The following KCNH5 variants were observed in gnomAD, a reference collection of about 807,000 sequenced individuals.
The protein encoded by KCNH5 is potassium voltage-gated channel subfamily H member 5.
KCNH5 carries 46 observed loss-of-function variants against 96.1 expected under a neutral mutation model. That is an observed-to-expected ratio of 0.48 (90% confidence interval 0.38 to 0.61). KCNH5 has a LOEUF of 0.61. KCNH5 is among the 20% of genes least tolerant of loss of function. The pLI, the probability that KCNH5 is intolerant of heterozygous loss-of-function variation, is 0.00. For missense variants in KCNH5, 907 were observed against 1,225.8 expected (o/e 0.74, Z 3.88); for synonymous variants, 439 against 449.8 (o/e 0.98, Z 0.30).
chr14:62,898,163 C>T (rs1888853298), intron 7 of KCNH5, among the ~76,000 whole-genome samples: 1 of 151,958 alleles, frequency 6.6e-6, no homozygotes, highest in Non-Finnish European at 1.5e-5. Context: ...ATGTAATAAA[C>T]TGTTAAATTC....
intron 3 of KCNH5, 38 bp from the exon 4 acceptor site, chr14:63,001,497 G>A (rs1002120545): frequency 3.8e-6 from 6 of 1,580,202 alleles, no homozygotes; most frequent in Non-Finnish European, 1.7e-6. Flanking sequence ...ACATTAGAGT[G>A]TGGCACGGCC....
At chr14:62,919,624 A>G (rs1321652838) in intron 7 of KCNH5, among the ~76,000 whole-genome samples, 2 of 152,026 alleles carry the variant, frequency 1.3e-5, no homozygotes, top group East Asian at 3.9e-4. Flanking sequence ...TAGTAAGATT[A>G]CTATTAGGAT....
intron 1 of KCNH5, 107 bp from the exon 2 acceptor site, chr14:63,017,061 G>A (rs1891340465): frequency 2.8e-6 from 3 of 1,074,410 alleles, no homozygotes; most frequent in East Asian, 2.5e-5. Context: ...ATACAACTAT[G>A]GTTTGTAATT....
intron 7 of KCNH5, among the ~76,000 whole-genome samples, chr14:62,903,809 C>T (rs1888975676): frequency 6.6e-6 from 1 of 152,010 alleles, no homozygotes; most frequent in African/African-American, 2.4e-5. Flanking sequence ...ATTTGTGGGG[C>T]TATCAAAGTT....
At chr14:62,934,116 ATTTCTTTC>A (rs756930463) in intron 7 of KCNH5, among the ~76,000 whole-genome samples, 1 of 146,562 alleles carries the variant, frequency 6.8e-6, no homozygotes, top group Admixed American at 6.8e-5. Context: ...TCAAATGCAG[ATTTCTTTC>A]TTTCTTTCTT....
At chr14:62,975,611 C>A (rs1276992436) in intron 6 of KCNH5, among the ~76,000 whole-genome samples, 1 of 151,992 alleles carries the variant, frequency 6.6e-6, no homozygotes, top group East Asian at 1.9e-4. Flanking sequence ...TACTTAGAAG[C>A]TTCTGGAATC....
rs200624433 is a variant in KCNH5 at position 62,826,408 on chromosome 14, A to G, written c.1569+23245T>C. Among the ~76,000 whole-genome samples, 325 of 142,080 alleles carry G rather than the reference A, an allele frequency of 2.3e-3. 1 individual carries two copies. Among genetic ancestry groups the G allele is most frequent in the Non-Finnish European group, 2.6e-3 (171 of 65,236 alleles). The allele number at this position is 142,080 out of a possible 152,430, so 93.2% of individuals were successfully genotyped here. A position where few individuals can be genotyped will look rare whatever the true frequency, so the allele number is the denominator to read the frequency against. On this transcript the variant is annotated intron_variant, in intron 8 of 10. Transcript: ENST00000322893. ...TGTGTGTGTGTGTGTGCGTGCGTGCATGTGTGTGTGTGTGTGTGTGTGTGT... is the reference window on the plus strand; with the variant it reads ...TGTGTGTGTGTGTGTGCGTGCGTGCGTGTGTGTGTGTGTGTGTGTGTGTGT...
chr14:62,821,251 A>G (rs1348873663), intron 8 of KCNH5, among the ~76,000 whole-genome samples: 1 of 152,146 alleles, frequency 6.6e-6, no homozygotes, highest in Admixed American at 6.6e-5. Flanking sequence ...AATGATTTCT[A>G]TAATTAAATA....
chr14:62,857,517 G>A (rs928997153), intron 7 of KCNH5, among the ~76,000 whole-genome samples: 1 of 152,016 alleles, frequency 6.6e-6, no homozygotes, highest in African/African-American at 2.4e-5. Context: ...TGATCGTAAG[G>A]TCCCACAATA....
At chr14:62,996,988 A>C (rs1282363075) in intron 4 of KCNH5, among the ~76,000 whole-genome samples, 2 of 152,240 alleles carry the variant, frequency 1.3e-5, no homozygotes, top group African/African-American at 2.4e-5. Context: ...TCTTTTGTTT[A>C]AAAATATATA....
At chr14:62,870,139 C>A (rs1177569103) in intron 7 of KCNH5, among the ~76,000 whole-genome samples, 1 of 152,282 alleles carries the variant, frequency 6.6e-6, no homozygotes, top group East Asian at 1.9e-4. Context: ...AACAAGCTTA[C>A]CATTTTGGCC....
chr14:62,819,458 G>T (rs2140016222), intron 8 of KCNH5, among the ~76,000 whole-genome samples: 1 of 152,198 alleles, frequency 6.6e-6, no homozygotes, highest in Admixed American at 6.5e-5. Flanking sequence ...AGGGGTGCAG[G>T]GGAGGTTGAA....
At chr14:62,898,062 C>G (rs954750597) in intron 7 of KCNH5, among the ~76,000 whole-genome samples, 1 of 152,070 alleles carries the variant, frequency 6.6e-6, no homozygotes, top group African/African-American at 2.4e-5. Context: ...TGGCATTGCC[C>G]GGGCACTGGG....
chr14:62,944,120 A>G (rs1595694377), intron 7 of KCNH5, among the ~76,000 whole-genome samples: 1 of 152,166 alleles, frequency 6.6e-6, no homozygotes, highest in East Asian at 1.9e-4. Flanking sequence ...CAGAGCCCAC[A>G]TCCAACTTAG....
At chr14:62,983,666 A>G (rs1037968316) in intron 5 of KCNH5, among the ~76,000 whole-genome samples, 7 of 152,188 alleles carry the variant, frequency 4.6e-5, no homozygotes, top group Non-Finnish European at 1.0e-4. Context: ...CCCTGAGTTC[A>G]GAAAGTCTTA....
chr14:62,716,326 T>G (rs1007714561), intron 10 of KCNH5, among the ~76,000 whole-genome samples: 2 of 152,196 alleles, frequency 1.3e-5, no homozygotes, highest in African/African-American at 4.8e-5. Flanking sequence ...TTTTTCTTCA[T>G]TCTACTCTTT....
At chr14:62,885,346 A>G (rs910615847) in intron 7 of KCNH5, among the ~76,000 whole-genome samples, 7 of 152,220 alleles carry the variant, frequency 4.6e-5, no homozygotes, top group African/African-American at 7.2e-5. Flanking sequence ...TCCTGAGAAC[A>G]TAGTAAGCAT....
chr14:63,043,830 C>T (rs1047057180), intron 1 of KCNH5, among the ~76,000 whole-genome samples: 3 of 152,178 alleles, frequency 2.0e-5, no homozygotes, highest in African/African-American at 7.2e-5. Context: ...ATAATCTAAT[C>T]TACCATTTAG....
chr14:62,730,259 T>TTA (rs1255433665), intron 10 of KCNH5, among the ~76,000 whole-genome samples: 1 of 152,184 alleles, frequency 6.6e-6, no homozygotes, highest in Non-Finnish European at 1.5e-5. Context: ...ATTTAATGGA[T>TTA]TATATGTAAG....
Sources: gnomAD v4.1 joint callset for allele counts (sites outside exome capture counted in the v4.1 genomes callset) on GRCh38, gnomAD v4.1.1 for gene constraint, MANE v1.5 for transcripts, NCBI Gene and HGNC (gene_info 2026-07-23, HGNC 2026-07-21) for gene names.